The following ASIC2 variants were observed in gnomAD, a reference collection of about 807,000 sequenced individuals.
The protein encoded by ASIC2 is acid-sensing ion channel 2.
In ASIC2, 25 loss-of-function variants were observed where a neutral mutation model predicts 57.3. That is an observed-to-expected ratio of 0.44 (90% CI 0.32 to 0.61). The LOEUF is 0.61. Among genes scored for constraint, ASIC2 ranks in the 20% least tolerant of loss-of-function variants. The pLI, the probability that ASIC2 is intolerant of heterozygous loss-of-function variation, is 0.06. For missense variants in ASIC2, 641 were observed against 738.1 expected, an observed-to-expected ratio of 0.87 and a Z score of 1.52; for synonymous variants, 319 against 307.5, an observed-to-expected ratio of 1.04 and a Z score of -0.39.
chr17:34,122,343 G>A (rs1002967004), intron 1 of ASIC2, among the ~76,000 whole-genome samples: 2 of 152,138 alleles, frequency 1.3e-5, no homozygotes, highest in African/African-American at 2.4e-5. Flanking sequence ...CCAGGCAGCC[G>A]ACTCCACCAC....
intron 3 of ASIC2, among the ~76,000 whole-genome samples, chr17:33,072,989 T>C (rs1282740153): frequency 6.6e-6 from 1 of 152,222 alleles, no homozygotes; most frequent in Non-Finnish European, 1.5e-5. Context: ...CAATGCTGTA[T>C]TTTTCTGACC....
intron 1 of ASIC2, among the ~76,000 whole-genome samples, chr17:33,837,719 C>T (rs907211800): frequency 2.0e-5 from 3 of 152,050 alleles, no homozygotes; most frequent in Non-Finnish European, 4.4e-5. Context: ...CTGTTAACAA[C>T]GAAAAACAAA....
At chr17:33,309,114 T>A (rs1906299898) in intron 1 of ASIC2, among the ~76,000 whole-genome samples, 1 of 152,190 alleles carries the variant, frequency 6.6e-6, no homozygotes, top group South Asian at 2.1e-4. Context: ...ACAACTTGGA[T>A]CTTTTCTCAG....
intron 1 of ASIC2, among the ~76,000 whole-genome samples, chr17:33,396,388 G>A (rs1376153286): frequency 1.3e-5 from 2 of 152,154 alleles, no homozygotes; most frequent in African/African-American, 4.8e-5. Flanking sequence ...CTATGTACTA[G>A]GCATACATAG....
chr17:33,943,138 G>A (rs1406743181), intron 1 of ASIC2, among the ~76,000 whole-genome samples: 1 of 152,314 alleles, frequency 6.6e-6, no homozygotes, highest in South Asian at 2.1e-4. Flanking sequence ...ATGATAGAAT[G>A]GAACTTCTGA....
At chr17:33,209,534 T>C (rs748029877) in intron 1 of ASIC2, among the ~76,000 whole-genome samples, 2 of 152,204 alleles carry the variant, frequency 1.3e-5, no homozygotes, top group Non-Finnish European at 2.9e-5. Flanking sequence ...ATCCACCAGA[T>C]GCCAGTAGCT....
At chr17:33,476,120 G>C (rs929271164) in intron 1 of ASIC2, among the ~76,000 whole-genome samples, 1 of 152,126 alleles carries the variant, frequency 6.6e-6, no homozygotes, top group Admixed American at 6.5e-5. Context: ...TAAGTATGTG[G>C]CACAGAACAC....
chr17:33,715,950 G>A (rs374800305), intron 1 of ASIC2, among the ~76,000 whole-genome samples: 2 of 152,022 alleles, frequency 1.3e-5, no homozygotes, highest in East Asian at 1.9e-4. Context: ...TAATCACACC[G>A]CCAACAGCTT....
chr17:33,279,808 C>T (rs938045962), intron 1 of ASIC2, among the ~76,000 whole-genome samples: 1 of 152,150 alleles, frequency 6.6e-6, no homozygotes, highest in Non-Finnish European at 1.5e-5. Context: ...TGCAGATCCT[C>T]ATCACCACTT....
intron 1 of ASIC2, among the ~76,000 whole-genome samples, chr17:34,147,213 A>G (rs1912444662): frequency 6.6e-6 from 1 of 152,162 alleles, no homozygotes; most frequent in Non-Finnish European, 1.5e-5. Flanking sequence ...CTTAGAAACC[A>G]CCTAATTCCA....
At chr17:33,625,200 CATCTATCT>C (rs144550506) in intron 1 of ASIC2, among the ~76,000 whole-genome samples, 44 of 151,188 alleles carry the variant, frequency 2.9e-4, no homozygotes, top group East Asian at 1.6e-3. Context: ...TATTATCTGT[CATCTATCT>C]ATCTATCTAT....
intron 1 of ASIC2, among the ~76,000 whole-genome samples, chr17:33,732,520 T>C (rs1912498622): frequency 6.6e-6 from 1 of 151,974 alleles, no homozygotes; most frequent in Admixed American, 6.5e-5. Flanking sequence ...TTTTTTTTTT[T>C]TTAAGACGTA....
intron 1 of ASIC2, among the ~76,000 whole-genome samples, chr17:33,333,024 G>C (rs998952800): frequency 2.6e-5 from 4 of 152,118 alleles, no homozygotes; most frequent in Non-Finnish European, 5.9e-5. Flanking sequence ...TCTATATGTA[G>C]CATGTTCAAT....
chr17:33,231,141 A>C (rs1908075786), intron 1 of ASIC2, among the ~76,000 whole-genome samples: 1 of 152,140 alleles, frequency 6.6e-6, no homozygotes, highest in Non-Finnish European at 1.5e-5. Flanking sequence ...TCAAATGTCA[A>C]CCTGTGTGCT....
chr17:34,039,042 C>G (rs1452919999), intron 1 of ASIC2: 4 of 1,614,034 alleles, frequency 2.5e-6, no homozygotes, highest in Non-Finnish European at 3.4e-6. Flanking sequence ...CTTGTTTTGA[C>G]TTTTCTATAA....
intron 1 of ASIC2, among the ~76,000 whole-genome samples, chr17:33,849,151 G>T (rs1302892228): frequency 2.0e-5 from 3 of 152,210 alleles, no homozygotes; most frequent in Admixed American, 6.5e-5. Flanking sequence ...GTGCACTCAT[G>T]TGCAAACATA....
At chr17:33,283,994 A>G (rs1905057122) in intron 1 of ASIC2, among the ~76,000 whole-genome samples, 1 of 152,188 alleles carries the variant, frequency 6.6e-6, no homozygotes, top group African/African-American at 2.4e-5. Context: ...TCTTTTTGGT[A>G]TCAGGGACAA....
At position 34,078,357 on chromosome 17, in the gene ASIC2, T is replaced by C. The variant is rs566681605; in HGVS notation, c.555+77621A>G. Among the ~76,000 whole-genome samples, 3 of 152,230 alleles carry C rather than the reference T, an allele frequency of 2.0e-5. 1 individual carries two copies. In the South Asian group the frequency reaches 6.2e-4, roughly 32 times the overall value. Reference sequence around the variant, plus strand: ...TCCTTGCTCCTACTCCACCTGTTAATAGAAGGAAAGTAAACACAGCTGAGC... The same window carrying C: ...TCCTTGCTCCTACTCCACCTGTTAACAGAAGGAAAGTAAACACAGCTGAGC... On this transcript the variant is annotated intron_variant, in intron 1 of 9. Transcript: ENST00000359872.
At chr17:33,095,543 T>G (rs1381665810) in intron 2 of ASIC2, among the ~76,000 whole-genome samples, 1 of 152,236 alleles carries the variant, frequency 6.6e-6, no homozygotes. Flanking sequence ...CTCCTTGTTT[T>G]ACAGATGTGC....
Sources: gnomAD v4.1 joint callset for allele counts (sites outside exome capture counted in the v4.1 genomes callset) on GRCh38, gnomAD v4.1.1 for gene constraint, MANE v1.5 for transcripts, NCBI Gene and HGNC (gene_info 2026-07-23, HGNC 2026-07-21) for gene names.